Variants in CNTNAP2 observed in about 807,000 individuals in gnomAD.
The protein encoded by CNTNAP2 is contactin associated protein 2.
CNTNAP2 carries 98 observed loss-of-function variants against 155.2 expected under a neutral mutation model. The ratio of observed to expected loss-of-function variants is 0.63; its 90% confidence interval spans 0.54 to 0.75. CNTNAP2 has a LOEUF of 0.75. CNTNAP2 is among the 30% of genes least tolerant of loss of function. The pLI, the probability that CNTNAP2 is intolerant of heterozygous loss-of-function variation, is 0.00. For missense variants in CNTNAP2, 1,727 were observed against 1,688.1 expected (o/e 1.02, Z -0.40); for synonymous variants, 651 against 631.2 (o/e 1.03, Z -0.47).
chr7:148,035,828 T>C (rs911664425), intron 15 of CNTNAP2, among the ~76,000 whole-genome samples: 1 of 152,218 alleles, frequency 6.6e-6, no homozygotes, highest in African/African-American at 2.4e-5. Context: ...CTATGTGGGC[T>C]GAACCCAGCA....
In CNTNAP2 at chr7:146,908,591, C is replaced by G. The variant is rs1796199219; in HGVS notation, c.402+68687C>G. On this transcript the variant is annotated intron_variant, in intron 3 of 23. Coordinates refer to ENST00000361727, the MANE Select transcript of CNTNAP2 (RefSeq NM_014141.6). ...AAATGAAGGCAGAAATAAAGATGTT[C>G]TTTGAAACCAATGAGAACAAAGACA... Among the ~76,000 whole-genome samples, 18 of 131,376 alleles carry G rather than the reference C, an allele frequency of 1.4e-4. No individual in the cohort carries two copies. The South Asian group carries it at 4.9e-3, about 35-fold the overall frequency. 86.2% of individuals were successfully genotyped at this position (131,376 alleles called of 152,430 possible). A position where few individuals can be genotyped will look rare whatever the true frequency, so the allele number is the denominator to read the frequency against.
At chr7:147,086,391 GT>G (rs1800279199) in intron 4 of CNTNAP2, among the ~76,000 whole-genome samples, 1 of 150,160 alleles carries the variant, frequency 6.7e-6, no homozygotes, top group African/African-American at 2.5e-5. Context: ...CAGAAAATAT[GT>G]TTCTCTTTCT....
chr7:147,637,590 G>T (rs1454618666), intron 12 of CNTNAP2, among the ~76,000 whole-genome samples: 1 of 152,028 alleles, frequency 6.6e-6, no homozygotes, highest in African/African-American at 2.4e-5. Flanking sequence ...TTTATCAGTT[G>T]ATAAAACTAT....
At chr7:147,321,638 T>C (rs562329711) in intron 9 of CNTNAP2, among the ~76,000 whole-genome samples, 1 of 152,258 alleles carries the variant, frequency 6.6e-6, no homozygotes, top group South Asian at 2.1e-4. Flanking sequence ...CCAGTGCCAG[T>C]GCGCAAGAGC....
intron 3 of CNTNAP2, among the ~76,000 whole-genome samples, chr7:146,943,298 C>A (rs916564696): frequency 6.6e-6 from 1 of 152,110 alleles, no homozygotes; most frequent in African/African-American, 2.4e-5. Context: ...TCGAGACCAG[C>A]CTGGCCAACA....
Position 147,560,168 on chromosome 7 carries a change from C to CAAAAAAAAAAAAAAAAAAAAAAAAA in CNTNAP2, c.1778-1947_1778-1946insAAAAAAAAAAAAAAAAAAAAAAAAA, listed in dbSNP as rs71183016. ...GGGCAACAAGAACGAAACTCCGTCT[C>CAAAAAAAAAAAAAAAAAAAAAAAAA]AAAAAAAAAAAAAAAAAAAAAAATT... On this transcript the variant is annotated intron_variant, in intron 11 of 23. Coordinates refer to ENST00000361727, the MANE Select transcript of CNTNAP2 (RefSeq NM_014141.6). Among the ~76,000 whole-genome samples, 30 of 52,814 alleles carry CAAAAAAAAAAAAAAAAAAAAAAAAA rather than the reference C, an allele frequency of 5.7e-4. 1 individual carries two copies. Among genetic ancestry groups the CAAAAAAAAAAAAAAAAAAAAAAAAA allele is most frequent in the East Asian group, 1.9e-3 (2 of 1,040 alleles). 34.6% of individuals were successfully genotyped at this position (52,814 alleles called of 152,430 possible).
At chr7:147,716,578 G>A (rs972625719) in intron 13 of CNTNAP2, among the ~76,000 whole-genome samples, 1 of 152,118 alleles carries the variant, frequency 6.6e-6, no homozygotes, top group Non-Finnish European at 1.5e-5. Flanking sequence ...TAACCAAAAA[G>A]GGAAGATGGA....
chr7:146,125,895 T>C (rs1014524644), intron 1 of CNTNAP2, among the ~76,000 whole-genome samples: 8 of 152,200 alleles, frequency 5.3e-5, no homozygotes, highest in Non-Finnish European at 7.3e-5. Flanking sequence ...TGTCCTTTTC[T>C]AGAACTCCAG....
intron 13 of CNTNAP2, among the ~76,000 whole-genome samples, chr7:147,775,126 AAT>A (rs1797539674): frequency 6.7e-6 from 1 of 149,016 alleles, no homozygotes; most frequent in African/African-American, 2.5e-5. Flanking sequence ...GTCTTTTCAC[AAT>A]ATCTTATGGG....
chr7:146,327,163 A>G (rs1383497668), intron 1 of CNTNAP2, among the ~76,000 whole-genome samples: 1 of 152,174 alleles, frequency 6.6e-6, no homozygotes, highest in Non-Finnish European at 1.5e-5. Context: ...TATTTGAAGA[A>G]AAAAAAGAAG....
At chr7:146,882,639 C>G (rs1795576351) in intron 3 of CNTNAP2, among the ~76,000 whole-genome samples, 1 of 152,054 alleles carries the variant, frequency 6.6e-6, no homozygotes, top group Admixed American at 6.6e-5. Flanking sequence ...AACCTCTTTC[C>G]TAAGTTACCC....
chr7:147,310,856 C>T lies in CNTNAP2; in HGVS notation c.1498+10566C>T, dbSNP rs1312609579. 2.6e-5 allele frequency among the ~76,000 whole-genome samples: 4 copies of T among 152,206 alleles called. No individual in the cohort carries two copies. In the East Asian group the frequency reaches 5.8e-4, roughly 22 times the overall value. ...GAGGAAGAGAGATTGGGCTCAACTCCAAGTATAGGAAGGACAAGCGGGAAT... is the reference window on the plus strand; with the variant it reads ...GAGGAAGAGAGATTGGGCTCAACTCTAAGTATAGGAAGGACAAGCGGGAAT... On this transcript the variant is annotated intron_variant, in intron 9 of 23. Transcript: ENST00000361727.
intron 13 of CNTNAP2, among the ~76,000 whole-genome samples, chr7:147,862,269 G>C (rs1018937344): frequency 6.6e-6 from 1 of 152,088 alleles, no homozygotes; most frequent in African/African-American, 2.4e-5. Flanking sequence ...AGGAAAACTT[G>C]AAAATATAAG....
At chr7:147,246,994 G>A (rs1464751435) in intron 8 of CNTNAP2, among the ~76,000 whole-genome samples, 1 of 152,180 alleles carries the variant, frequency 6.6e-6, no homozygotes, top group Non-Finnish European at 1.5e-5. Context: ...GTTGGAAGAA[G>A]CTTTTATTCA....
At chr7:148,315,567 A>G (rs780274545) in intron 21 of CNTNAP2, among the ~76,000 whole-genome samples, 1 of 152,216 alleles carries the variant, frequency 6.6e-6, no homozygotes, top group African/African-American at 2.4e-5. Flanking sequence ...GGATGTGTAC[A>G]TGCAGGTCAC....
chr7:146,711,244 T>C (rs1484682410), intron 1 of CNTNAP2, among the ~76,000 whole-genome samples: 1 of 147,040 alleles, frequency 6.8e-6, no homozygotes, highest in Non-Finnish European at 1.5e-5. Context: ...TATACATATA[T>C]ATTTTATATA....
At chr7:146,746,579 C>G (rs1438539822) in intron 1 of CNTNAP2, among the ~76,000 whole-genome samples, 1 of 151,968 alleles carries the variant, frequency 6.6e-6, no homozygotes, top group Non-Finnish European at 1.5e-5. Context: ...GAGTCTCTCC[C>G]TTTGAGTTTT....
At chr7:148,363,020 T>G (rs368404749) in intron 21 of CNTNAP2, among the ~76,000 whole-genome samples, 1 of 152,204 alleles carries the variant, frequency 6.6e-6, no homozygotes, top group African/African-American at 2.4e-5. Flanking sequence ...CGCTTTTTGT[T>G]GCCCAGGCTG....
rs999469627 is a variant in CNTNAP2 at position 146,969,285 on chromosome 7, C to T, written c.403-74622C>T. Reference sequence around the variant, plus strand: ...TGTGGTGCTGAAAAAAATGTATATTCTGTTGATTTGGGGTGGAGAGGTCTG... The same window carrying T: ...TGTGGTGCTGAAAAAAATGTATATTTTGTTGATTTGGGGTGGAGAGGTCTG... On this transcript the variant is annotated intron_variant, in intron 3 of 23. Transcript: ENST00000361727. Among the ~76,000 whole-genome samples the T allele has an allele frequency of 6.6e-4, 101 of 152,168 alleles. 1 individual carries two copies. The highest frequency in any genetic ancestry group is 2.3e-3 in the African/African-American group (94 of 41,516).
Sources: allele counts gnomAD v4.1 joint callset (sites outside exome capture counted in the v4.1 genomes callset), GRCh38; gene constraint gnomAD v4.1.1; transcripts MANE v1.5; gene names NCBI Gene and HGNC (gene_info 2026-07-23, HGNC 2026-07-21).